PPM1B: variants seen among roughly 807,000 people sequenced by gnomAD.
PPM1B encodes the protein protein phosphatase 1B.
In PPM1B, 22 loss-of-function variants were observed where a neutral mutation model predicts 43.0. The observed-to-expected ratio is 0.51, with a 90% CI of 0.37 to 0.73. PPM1B has a LOEUF of 0.73. PPM1B is among the 30% of genes least tolerant of loss of function. The pLI, the probability that PPM1B is intolerant of heterozygous loss-of-function variation, is 0.00. For missense variants in PPM1B, 632 were observed against 584.2 expected, an observed-to-expected ratio of 1.08 and a Z score of -0.84; for synonymous variants, 217 against 197.9, an observed-to-expected ratio of 1.10 and a Z score of -0.81.
chr2:44,194,490 G>A (rs905408679), intron 1 of PPM1B, among the ~76,000 whole-genome samples: 23 of 152,134 alleles, frequency 1.5e-4, no homozygotes, highest in Admixed American at 4.6e-4. Context: ...TTGGGAGGCC[G>A]AGGCGGGCGG....
intron 1 of PPM1B, among the ~76,000 whole-genome samples, chr2:44,171,123 G>A (rs1023197442): frequency 2.0e-5 from 3 of 152,116 alleles, no homozygotes; most frequent in Non-Finnish European, 4.4e-5. Flanking sequence ...TTATCCTCTG[G>A]ATTTGTTGAA....
intron 5 of PPM1B, among the ~76,000 whole-genome samples, chr2:44,220,263 C>CAT (rs146623821): frequency 0.051 from 7,432 of 146,830 alleles, 394 homozygotes; most frequent in East Asian, 0.27. Context: ...TTTAAAAATA[C>CAT]ATATATATAT....
At chr2:44,209,029 A>C (rs939608879) in intron 2 of PPM1B, among the ~76,000 whole-genome samples, 181 bp from the exon 3 acceptor site, 6 of 152,248 alleles carry the variant, frequency 3.9e-5, no homozygotes, top group African/African-American at 1.4e-4. Flanking sequence ...AGATATACCC[A>C]TACCTAGACA....
chr2:44,175,889 A>C (rs1667560467), intron 1 of PPM1B, among the ~76,000 whole-genome samples: 1 of 151,142 alleles, frequency 6.6e-6, no homozygotes, highest in Non-Finnish European at 1.5e-5. Context: ...AGGTTCAGAC[A>C]ATTCTCCTGC....
At chr2:44,246,622 G>A (rs1396351846), downstream of PPM1B, among the ~76,000 whole-genome samples, 2 of 152,158 alleles carry the variant, frequency 1.3e-5, no homozygotes, top group Non-Finnish European at 2.9e-5. Flanking sequence ...TATTTCTCCA[G>A]TTTATCTACA....
At chr2:44,177,910 C>G (rs1667663157) in intron 1 of PPM1B, among the ~76,000 whole-genome samples, 1 of 144,874 alleles carries the variant, frequency 6.9e-6, no homozygotes, top group Non-Finnish European at 1.5e-5. Flanking sequence ...ATGATTAGAA[C>G]AGTTCTTTTT....
At chr2:44,246,922 A>T (rs979302118), downstream of PPM1B, among the ~76,000 whole-genome samples, 2 of 152,092 alleles carry the variant, frequency 1.3e-5, no homozygotes, top group African/African-American at 2.4e-5. Flanking sequence ...AAATATTTTT[A>T]AAAATATCCC....
At chr2:44,209,187 T>C (rs764385192) in intron 2 of PPM1B, 23 bp from the exon 3 acceptor site, 2 of 1,528,218 alleles carry the variant, frequency 1.3e-6, no homozygotes, top group South Asian at 1.2e-5. Flanking sequence ...CAATTTTTTT[T>C]CTTTTTTTTC....
At position 44,210,458 on chromosome 2, in the gene PPM1B, A is replaced by T. The variant is rs142426970; in HGVS notation, c.964+1131A>T. ...TGGTCTCAAACTCCTGGACTCAAGC[A>T]GTCCTCCCACATTGGCCTACCAAAG... On this transcript the variant is annotated intron_variant, in intron 3 of 5. Transcript: ENST00000282412. Among the ~76,000 whole-genome samples the T allele has an allele frequency of 4.0e-3, 615 of 152,174 alleles. 6 individuals carry two copies. The highest frequency in any genetic ancestry group is 0.014 in the African/African-American group (593 of 41,506).
chr2:44,213,405 C>T (rs4953071), intron 3 of PPM1B, among the ~76,000 whole-genome samples: 138,594 of 151,250 alleles, frequency 0.92, 63,576 homozygotes, highest in East Asian at 1. Flanking sequence ...TATAATAGTT[C>T]GTTGAATTTG....
downstream of PPM1B, among the ~76,000 whole-genome samples, chr2:44,238,603 G>A (rs1670680567): frequency 6.6e-6 from 1 of 152,074 alleles, no homozygotes. Flanking sequence ...TCAGGAGGCT[G>A]AGACAGGAAA....
At chr2:44,169,657 T>G (rs1346492229) in intron 1 of PPM1B, among the ~76,000 whole-genome samples, 3 of 152,256 alleles carry the variant, frequency 2.0e-5, no homozygotes, top group Admixed American at 1.3e-4. Flanking sequence ...GTGCATGCCC[T>G]GTTTGAAAAC....
intron 5 of PPM1B, among the ~76,000 whole-genome samples, chr2:44,242,883 G>A (rs77300796): frequency 0.22 from 32,986 of 151,962 alleles, 4,005 homozygotes; most frequent in African/African-American, 0.33. Context: ...CTATGTCATG[G>A]ATTATTTTCC....
In PPM1B at chr2:44,231,133, GTTTTCTTT is replaced by G. The variant is rs1311506482; in HGVS notation, c.*416_*423del. 1.1e-6 allele frequency: 1 copy of G among 940,802 alleles called. No homozygotes were observed. The highest frequency in any genetic ancestry group is 1.3e-6 in the Non-Finnish European group (1 of 789,632). The allele number at this position is 940,802 out of a possible 1,614,324, so 58.3% of individuals were successfully genotyped here. A position where few individuals can be genotyped will look rare whatever the true frequency, so the allele number is the denominator to read the frequency against. ...ATAGTTAGCTTTGTAATAAATTTATGTTTTCTTTAATAATTTTAGTTCTTCAAAGAATG... is the reference window on the plus strand; with the variant it reads ...ATAGTTAGCTTTGTAATAAATTTATGAATAATTTTAGTTCTTCAAAGAATG... On this transcript the variant is annotated 3_prime_UTR_variant, in exon 6 of 6. Coordinates refer to ENST00000282412, the MANE Select transcript of PPM1B (RefSeq NM_002706.6).
intron 2 of PPM1B, among the ~76,000 whole-genome samples, chr2:44,206,240 T>G (rs575887463): frequency 6.6e-6 from 1 of 152,348 alleles, no homozygotes; most frequent in Admixed American, 6.5e-5. Context: ...AAAAAAATGT[T>G]TTATTTATGG....
chr2:44,199,818 C>A (rs967054599), intron 1 of PPM1B, among the ~76,000 whole-genome samples: 1 of 151,958 alleles, frequency 6.6e-6, no homozygotes, highest in Non-Finnish European at 1.5e-5. Context: ...ACATATAACC[C>A]AGGAAAATTA....
Position 44,209,604 on chromosome 2 carries a change from C to T in PPM1B, c.964+277C>T, listed in dbSNP as rs115364339. ...CCATCCTGGCTACACGGTGAAACCC[C>T]GTCTCTGCTAAAAATACAGAAAATT... On this transcript the variant is annotated intron_variant, in intron 3 of 5. Coordinates refer to ENST00000282412, the MANE Select transcript of PPM1B (RefSeq NM_002706.6). 9.6e-3 allele frequency among the ~76,000 whole-genome samples: 1,460 copies of T among 152,116 alleles called. 9 individuals are homozygous for T. Among genetic ancestry groups the T allele is most frequent in the Admixed American group, 0.021 (317 of 15,276 alleles).
chr2:44,232,150 G>A (rs572699094), downstream of PPM1B, among the ~76,000 whole-genome samples: 69 of 152,266 alleles, frequency 4.5e-4, no homozygotes, highest in Admixed American at 1.8e-3. Context: ...TTAGATACAC[G>A]TGTACACACA....
chr2:44,199,332 A>AAAAAAAT (rs1668822010), intron 1 of PPM1B, among the ~76,000 whole-genome samples: 1 of 146,914 alleles, frequency 6.8e-6, no homozygotes, highest in African/African-American at 2.5e-5. Flanking sequence ...AATAAAAAAA[A>AAAAAAAT]AAAAAATTGA....
Sources: gnomAD v4.1 joint callset for allele counts (sites outside exome capture counted in the v4.1 genomes callset) on GRCh38, gnomAD v4.1.1 for gene constraint, MANE v1.5 for transcripts, NCBI Gene and HGNC (gene_info 2026-07-23, HGNC 2026-07-21) for gene names.